Variants in ITPR1 observed in about 807,000 individuals in gnomAD.
The protein encoded by ITPR1 is inositol 1,4,5-trisphosphate receptor type 1.
ITPR1 carries 96 observed loss-of-function variants against 318.4 expected under a neutral mutation model. The observed-to-expected ratio is 0.30, with a 90% CI of 0.26 to 0.36. The LOEUF is 0.36. Among genes scored for constraint, ITPR1 ranks in the 10% least tolerant of loss-of-function variants. ITPR1 has a pLI of 1.00. For missense variants in ITPR1, 2,440 were observed against 3,460.2 expected (o/e 0.71, Z 7.40); for synonymous variants, 1,312 against 1,289.9 (o/e 1.02, Z -0.37).
chr3:4,730,613 G>C (rs914652971), intron 42 of ITPR1, among the ~76,000 whole-genome samples: 4 of 151,902 alleles, frequency 2.6e-5, no homozygotes, highest in Admixed American at 6.6e-5. Flanking sequence ...TGGCGTCCAC[G>C]TGCTCCTTTC....
chr3:4,677,933 G>A (rs1240033206), intron 24 of ITPR1, among the ~76,000 whole-genome samples: 5 of 151,982 alleles, frequency 3.3e-5, no homozygotes, highest in Non-Finnish European at 7.4e-5. Flanking sequence ...AACCCCACCC[G>A]ACAACCTGCG....
At chr3:4,742,790 A>AC (rs1476553520) in intron 44 of ITPR1, among the ~76,000 whole-genome samples, 7 of 152,212 alleles carry the variant, frequency 4.6e-5, no homozygotes, top group African/African-American at 1.7e-4. Flanking sequence ...TATTTTAAAT[A>AC]CATGCTGTAT....
Position 4,706,359 on chromosome 3 carries a change from C to T in ITPR1, c.4842+8C>T. On this transcript the variant is annotated splice_region_variant and intron_variant, in intron 37 of 61. Coordinates refer to ENST00000649015, the MANE Select transcript of ITPR1 (RefSeq NM_001378452.1). Reference sequence around the variant, plus strand: ...ATCATTGAGAGATTGCAGGTAATGCCTGGTGTTGAGAGAAGTGATGCTTAG... The same window carrying T: ...ATCATTGAGAGATTGCAGGTAATGCTTGGTGTTGAGAGAAGTGATGCTTAG... 1.3e-6 allele frequency: 2 copies of T among 1,599,850 alleles called. No homozygotes were observed. Among genetic ancestry groups the T allele is most frequent in the Non-Finnish European group, 1.7e-6 (2 of 1,170,592 alleles).
chr3:4,845,438 G>A (rs751765515), intron 61 of ITPR1, among the ~76,000 whole-genome samples: 1 of 152,204 alleles, frequency 6.6e-6, no homozygotes, highest in African/African-American at 2.4e-5. Context: ...GCAACCAAAT[G>A]AATAGAATCG....
chr3:4,722,001 T>C (rs1322338499), intron 40 of ITPR1, among the ~76,000 whole-genome samples: 1 of 152,216 alleles, frequency 6.6e-6, no homozygotes, highest in Non-Finnish European at 1.5e-5. Flanking sequence ...GGGTACATTA[T>C]GTGTTGCAAG....
chr3:4,554,437 T>C (rs898184704), intron 4 of ITPR1, among the ~76,000 whole-genome samples: 3 of 152,180 alleles, frequency 2.0e-5, no homozygotes, highest in Non-Finnish European at 4.4e-5. Flanking sequence ...AGTTAGTAAA[T>C]GTTTTTTGTG....
intron 39 of ITPR1, among the ~76,000 whole-genome samples, chr3:4,715,130 G>A (rs9830067): frequency 0.33 from 49,740 of 152,050 alleles, 10,072 homozygotes; most frequent in Non-Finnish European, 0.47. Context: ...GAATTTGCCC[G>A]GGGTTACATA....
At chr3:4,686,990 T>G (rs151182575) in intron 30 of ITPR1, among the ~76,000 whole-genome samples, 1 of 152,254 alleles carries the variant, frequency 6.6e-6, no homozygotes, top group African/African-American at 2.4e-5. Context: ...TTAATGTCCT[T>G]GTAAATTCTC....
intron 40 of ITPR1, among the ~76,000 whole-genome samples, chr3:4,718,073 A>G (rs1029096537): frequency 6.6e-6 from 1 of 152,152 alleles, no homozygotes; most frequent in Non-Finnish European, 1.5e-5. Flanking sequence ...CAGAATTACC[A>G]TGGAGACTGA....
chr3:4,805,729 G>A (rs758946788), intron 54 of ITPR1, among the ~76,000 whole-genome samples: 27 of 152,306 alleles, frequency 1.8e-4, no homozygotes, highest in African/African-American at 6.3e-4. Flanking sequence ...CTGATCACAG[G>A]GTTCGTGGAT....
At chr3:4,765,730 T>G (rs2045776094) in intron 44 of ITPR1, among the ~76,000 whole-genome samples, 1 of 152,172 alleles carries the variant, frequency 6.6e-6, no homozygotes, top group African/African-American at 2.4e-5. Flanking sequence ...GCGTGGTGTT[T>G]GCAAAGGGGT....
intron 2 of ITPR1, among the ~76,000 whole-genome samples, chr3:4,501,189 A>G (rs567575858): frequency 6.6e-6 from 1 of 151,788 alleles, no homozygotes; most frequent in African/African-American, 2.4e-5. Context: ...AATGACATGC[A>G]CTAGAATAGA....
At chr3:4,685,797 G>A (rs1027429859) in intron 30 of ITPR1, among the ~76,000 whole-genome samples, 1 of 152,216 alleles carries the variant, frequency 6.6e-6, no homozygotes, top group African/African-American at 2.4e-5. Context: ...TGCTTTGCAT[G>A]CATGTAGGCT....
rs2094369124 is a variant in ITPR1, at chr3:4,685,103, A to G, written c.3599A>G (p.Glu1200Gly). Reference protein sequence around the residue: ...LIRLSKLCVQESASVRKSRKQ... With the variant: ...LIRLSKLCVQGSASVRKSRKQ... ...CGGCTTAGCAAACTCTGTGTTCAAGAGAGTGCCTCAGTGAGAAAGAGCAGG... is the reference window on the plus strand; with the variant it reads ...CGGCTTAGCAAACTCTGTGTTCAAGGGAGTGCCTCAGTGAGAAAGAGCAGG... Residue 1200 changes from glutamate to glycine, a missense_variant, in exon 30 of 62, where the codon GAG (glutamate) becomes GGG (glycine). Physicochemically the swap from Glu to Gly is moderately conservative, Grantham distance 98. This residue lies in a region of ITPR1 where 86 missense variants were observed against 75.6 expected (regional missense o/e 1.14). Transcript: ENST00000649015. 4 of 1,611,230 alleles carry G rather than the reference A, an allele frequency of 2.5e-6. No individual in the cohort carries two copies. The highest frequency in any genetic ancestry group is 3.4e-6 in the Non-Finnish European group (4 of 1,178,822).
chr3:4,679,054 T>C (rs2094244278), intron 24 of ITPR1, among the ~76,000 whole-genome samples: 1 of 152,042 alleles, frequency 6.6e-6, no homozygotes, highest in African/African-American at 2.4e-5. Context: ...CAGGAGATAA[T>C]GAGGCCTTGA....
intron 4 of ITPR1, among the ~76,000 whole-genome samples, chr3:4,528,478 C>T (rs74971710): frequency 0.022 from 3,370 of 152,218 alleles, 52 homozygotes; most frequent in Non-Finnish European, 0.033. Flanking sequence ...CCTCCTTTGC[C>T]GCACATTGTT....
chr3:4,607,403 T>G (rs2091777658), intron 4 of ITPR1, among the ~76,000 whole-genome samples: 1 of 152,138 alleles, frequency 6.6e-6, no homozygotes, highest in Non-Finnish European at 1.5e-5. Flanking sequence ...AAATGAGGAT[T>G]CCTAGGCCAC....
chr3:4,508,092 G>A (rs1289585379), intron 2 of ITPR1, among the ~76,000 whole-genome samples: 1 of 152,126 alleles, frequency 6.6e-6, no homozygotes. Flanking sequence ...CAGGCAGGCA[G>A]GGGATCCAAA....
At chr3:4,593,052 A>G (rs2090514129) in intron 4 of ITPR1, among the ~76,000 whole-genome samples, 1 of 152,164 alleles carries the variant, frequency 6.6e-6, no homozygotes, top group Non-Finnish European at 1.5e-5. Context: ...CTAGAGGAGA[A>G]CTTGCTCGAA....
Sources: gnomAD v4.1 joint callset for allele counts (sites outside exome capture counted in the v4.1 genomes callset) on GRCh38, gnomAD v4.1.1 for gene constraint, gnomAD v4.1.1 regional missense constraint, MANE v1.5 for transcripts, NCBI Gene and HGNC (gene_info 2026-07-23, HGNC 2026-07-21) for gene names.